FANCA: variants seen among roughly 807,000 people sequenced by gnomAD.
The protein encoded by FANCA is Fanconi anemia group A protein.
In FANCA, 236 loss-of-function variants were observed where a neutral mutation model predicts 194.3. The observed-to-expected ratio is 1.21, with a 90% CI of 1.09 to 1.35. The LOEUF is 1.35. FANCA is among the 40% of genes most tolerant of loss of function. The pLI, the probability that FANCA is intolerant of heterozygous loss-of-function variation, is 0.00. For synonymous variants in FANCA, 1,014 were observed against 715.8 expected (o/e 1.42, Z -6.65); for missense variants, 2,628 against 1,813.9 (o/e 1.45, Z -8.15).
chr16:89,794,228 A>G (rs2040169325), intron 11 of FANCA, among the ~76,000 whole-genome samples: 1 of 152,164 alleles, frequency 6.6e-6, no homozygotes. Context: ...TTTCCAATGT[A>G]CCAACTGCAT....
At chr16:89,800,086 C>T (rs1238484501) in intron 8 of FANCA, among the ~76,000 whole-genome samples, 1 of 152,246 alleles carries the variant, frequency 6.6e-6, no homozygotes, top group Admixed American at 6.5e-5. Flanking sequence ...GGGACCTAGA[C>T]AGAGTGAAAA....
chr16:89,808,209 C>A, intron 6 of FANCA, 85 bp downstream of exon 6: 1 of 1,310,996 alleles, frequency 7.6e-7, no homozygotes, highest in Non-Finnish European at 1.1e-6. Flanking sequence ...AGAAATCAAA[C>A]CCGTCTGATT....
At position 89,738,564 on chromosome 16, in the gene FANCA, A is replaced by T; in HGVS notation, c.*37T>A. 1.2e-6 allele frequency: 2 copies of T among 1,612,610 alleles called. No homozygotes were observed. Among genetic ancestry groups the T allele is most frequent in the Non-Finnish European group, 1.7e-6 (2 of 1,179,932 alleles). ...ATGTTATGCTTGTAATAAATTATTT[A>T]CACGGGAGCTGGGCTGGTGTGCAGT... On this transcript the variant is annotated 3_prime_UTR_variant, in exon 43 of 43. Transcript: ENST00000389301.
Position 89,816,587 on chromosome 16 carries a change from G to T in FANCA, c.29C>A (p.Ala10Asp). The change falls in exon 1 of 43, where the codon GCC becomes GAC. Residue 10 changes from alanine to aspartate, a missense_variant. Physicochemically the swap from Ala to Asp is moderately radical, Grantham distance 126. Coordinates refer to ENST00000389301, the MANE Select transcript of FANCA (RefSeq NM_000135.4). ...GCGGCCCCCTGGGTCCTGGCCCGAG[G>T]CGGAGTTCGGGACCCACGAGTCGGA... MSDSWVPNS[A>D]SGQDPGGRRR... 1 of 1,525,914 alleles carries T rather than the reference G, an allele frequency of 6.6e-7. No homozygotes were observed. The highest frequency in any genetic ancestry group is 8.7e-7 in the Non-Finnish European group (1 of 1,144,766). The allele number at this position is 1,525,914 out of a possible 1,614,324, so 94.5% of individuals were successfully genotyped here. A position where few individuals can be genotyped will look rare whatever the true frequency, so the allele number is the denominator to read the frequency against.
At chr16:89,805,479 T>C (rs1029131590) in intron 6 of FANCA, 87 bp from the exon 7 acceptor site, 20 of 1,020,390 alleles carry the variant, frequency 2.0e-5, no homozygotes, top group Non-Finnish European at 2.9e-5. Context: ...CAATTTTTTT[T>C]TTGAGACAGT....
intron 22 of FANCA, among the ~76,000 whole-genome samples, chr16:89,772,288 T>C (rs991272180): frequency 2.0e-5 from 3 of 152,236 alleles, no homozygotes; most frequent in African/African-American, 4.8e-5. Flanking sequence ...TTTTCCTCCA[T>C]GTCCCCCATG....
chr16:89,773,522 C>A (rs1367848064), intron 21 of FANCA, 138 bp from the exon 22 acceptor site: 10 of 690,064 alleles, frequency 1.4e-5, no homozygotes, highest in Non-Finnish European at 2.6e-5. Context: ...GACTGGGAGT[C>A]TCTGAGGAGG....
intron 30 of FANCA, among the ~76,000 whole-genome samples, chr16:89,757,667 G>A (rs577053605): frequency 1.3e-5 from 2 of 152,256 alleles, no homozygotes; most frequent in African/African-American, 4.8e-5. Flanking sequence ...CTGCAAACAA[G>A]AGCCCCTGGG....
chr16:89,807,851 C>G (rs1204234221), intron 6 of FANCA, among the ~76,000 whole-genome samples: 1 of 151,894 alleles, frequency 6.6e-6, no homozygotes, highest in African/African-American at 2.4e-5. Context: ...TCACTGCACT[C>G]CAGCCTGGGT....
At chr16:89,747,855 AT>A (rs1456893928) in intron 33 of FANCA, among the ~76,000 whole-genome samples, 2 of 152,166 alleles carry the variant, frequency 1.3e-5, no homozygotes, top group Non-Finnish European at 2.9e-5. Context: ...AGGGGCTGGT[AT>A]CCGTCTCCCC....
chr16:89,801,557 A>G (rs1256329501), intron 8 of FANCA, among the ~76,000 whole-genome samples: 1 of 152,166 alleles, frequency 6.6e-6, no homozygotes, highest in African/African-American at 2.4e-5. Flanking sequence ...AGATTTCTAA[A>G]TAGTTGGGTA....
chr16:89,781,363 C>CAAAAAA (rs775937692), intron 17 of FANCA, among the ~76,000 whole-genome samples: 223 of 59,936 alleles, frequency 3.7e-3, no homozygotes, highest in Middle Eastern at 0.016. Flanking sequence ...GACTCCATTC[C>CAAAAAA]AAAAAAAAAA....
intron 30 of FANCA, among the ~76,000 whole-genome samples, chr16:89,755,551 T>C (rs951866913): frequency 6.6e-6 from 1 of 152,084 alleles, no homozygotes. Context: ...CCTAAAGAGC[T>C]AAACTAAAAA....
chr16:89,813,813 T>TGTGTGG (rs2040997448), intron 3 of FANCA, among the ~76,000 whole-genome samples: 1 of 151,420 alleles, frequency 6.6e-6, no homozygotes, highest in African/African-American at 2.4e-5. Context: ...TTACTGTGTG[T>TGTGTGG]GTGTGTGTGT....
chr16:89,788,343 C>G (rs1018535425), intron 14 of FANCA, among the ~76,000 whole-genome samples: 6 of 152,060 alleles, frequency 3.9e-5, no homozygotes, highest in African/African-American at 1.4e-4. Flanking sequence ...CACCTGTAGT[C>G]CCAGCTACTC....
chr16:89,777,189 G>C (rs1411952232), intron 20 of FANCA, among the ~76,000 whole-genome samples: 3 of 151,902 alleles, frequency 2.0e-5, no homozygotes. Context: ...CCTGCTACTT[G>C]GGAGGCGGAG....
At chr16:89,758,134 G>C (rs1029408552) in intron 30 of FANCA, among the ~76,000 whole-genome samples, 12 of 152,204 alleles carry the variant, frequency 7.9e-5, no homozygotes, top group African/African-American at 2.9e-4. Flanking sequence ...TGGGATTACA[G>C]GTGTGAGCCA....
chr16:89,770,352 G>C, intron 24 of FANCA, 93 bp from the exon 25 acceptor site: 2 of 1,232,242 alleles, frequency 1.6e-6, no homozygotes, highest in Non-Finnish European at 2.3e-6. Context: ...CGAAGAAAGA[G>C]CCAAGCTGTT....
chr16:89,804,829 C>T (rs1257016419), intron 7 of FANCA, among the ~76,000 whole-genome samples: 1 of 151,958 alleles, frequency 6.6e-6, no homozygotes, highest in African/African-American at 2.4e-5. Context: ...GTCAGGAGTT[C>T]AAGAGCAGCC....
Sources: gnomAD v4.1 joint callset for allele counts (sites outside exome capture counted in the v4.1 genomes callset) on GRCh38, gnomAD v4.1.1 for gene constraint, MANE v1.5 for transcripts, NCBI Gene and HGNC (gene_info 2026-07-23, HGNC 2026-07-21) for gene names.